The following ADAMTS2 variants were observed in gnomAD, a reference collection of about 807,000 sequenced individuals.
The protein encoded by ADAMTS2 is A disintegrin and metalloproteinase with thrombospondin motifs 2.
ADAMTS2 carries 50 observed loss-of-function variants against 123.0 expected under a neutral mutation model. That is an observed-to-expected ratio of 0.41 (90% CI 0.32 to 0.51). The LOEUF (loss-of-function observed/expected upper bound fraction) is 0.51. Ranked by LOEUF, ADAMTS2 falls within the 20% of genes least tolerant of loss-of-function variation. ADAMTS2 has a pLI of 0.35. For synonymous variants in ADAMTS2, 678 were observed against 695.4 expected, an observed-to-expected ratio of 0.98 and a Z score of 0.39; for missense variants, 1,494 against 1,705.2, an observed-to-expected ratio of 0.88 and a Z score of 2.18.
At chr5:179,235,486 C>A (rs553808257) in intron 3 of ADAMTS2, among the ~76,000 whole-genome samples, 36 of 152,286 alleles carry the variant, frequency 2.4e-4, no homozygotes, top group African/African-American at 8.2e-4. Context: ...ATCAGAGGGA[C>A]CCCAAATCGA....
At chr5:179,305,229 G>A (rs1186733483) in intron 2 of ADAMTS2, among the ~76,000 whole-genome samples, 1 of 152,166 alleles carries the variant, frequency 6.6e-6, no homozygotes, top group Non-Finnish European at 1.5e-5. Context: ...GGGGGAAAAT[G>A]ATGCTAGAAA....
chr5:179,138,754 A>G (rs1420183537), intron 11 of ADAMTS2, among the ~76,000 whole-genome samples: 3 of 152,134 alleles, frequency 2.0e-5, no homozygotes, highest in Non-Finnish European at 4.4e-5. Context: ...AGGCTGTCCC[A>G]CTGCGGGATC....
Position 179,200,227 on chromosome 5 carries a change from C to T in ADAMTS2, c.891+7286G>A, listed in dbSNP as rs368515302. On this transcript the variant is annotated intron_variant, in intron 4 of 21. Coordinates refer to ENST00000251582, the MANE Select transcript of ADAMTS2 (RefSeq NM_014244.5). ...GGCTCCTTTGAATTCTCTATCTCCC[C>T]GCCACACCTTTCTTTCCTTTTTTTT... 9.9e-5 allele frequency among the ~76,000 whole-genome samples: 15 copies of T among 151,022 alleles called. No individual in the cohort carries two copies. The East Asian group carries it at 1.4e-3, about 14-fold the overall frequency.
At chr5:179,319,407 T>G (rs1428371762) in intron 2 of ADAMTS2, among the ~76,000 whole-genome samples, 1 of 151,990 alleles carries the variant, frequency 6.6e-6, no homozygotes, top group East Asian at 1.9e-4. Flanking sequence ...AGTGCACACA[T>G]GCATGCATCA....
rs1378061312 is a variant in ADAMTS2 at position 179,225,021 on chromosome 5, C to T, written c.689-17306G>A. On this transcript the variant is annotated intron_variant, in intron 3 of 21. Coordinates refer to ENST00000251582, the MANE Select transcript of ADAMTS2 (RefSeq NM_014244.5). This position sits in a 1 kb window ranked among gnomAD's most constrained non-coding sequence, Gnocchi z 4.5. Reference sequence around the variant, plus strand: ...GCTTCCCGGGCCGCAGTTCACGCCCCACTTGTTTCTCCACATCCCTTTCCC... The same window carrying T: ...GCTTCCCGGGCCGCAGTTCACGCCCTACTTGTTTCTCCACATCCCTTTCCC... Among the ~76,000 whole-genome samples the T allele has an allele frequency of 6.6e-6, 1 of 152,220 alleles. No homozygotes were observed. Among genetic ancestry groups the T allele is most frequent in the Non-Finnish European group, 1.5e-5 (1 of 68,042 alleles).
At chr5:179,259,697 C>T (rs538513837) in intron 3 of ADAMTS2, among the ~76,000 whole-genome samples, 12 of 152,342 alleles carry the variant, frequency 7.9e-5, no homozygotes, top group Admixed American at 2.6e-4. Context: ...CCATCTTCCT[C>T]GCCATCTGCA....
chr5:179,224,062 G>A (rs532532135), intron 3 of ADAMTS2, among the ~76,000 whole-genome samples: 9 of 152,348 alleles, frequency 5.9e-5, no homozygotes, highest in African/African-American at 1.9e-4. Flanking sequence ...GAGGCGCAGC[G>A]TGGATGCGGG....
At chr5:179,321,448 C>T (rs1420163087) in intron 2 of ADAMTS2, among the ~76,000 whole-genome samples, 2 of 152,204 alleles carry the variant, frequency 1.3e-5, no homozygotes, top group South Asian at 2.1e-4. Flanking sequence ...CCCCTCTTGG[C>T]TGCTGGGCCT....
At position 179,116,899 on chromosome 5, in the gene ADAMTS2, A is replaced by G. The variant is rs1364184012; in HGVS notation, c.3179-2575T>C. Among the ~76,000 whole-genome samples, 3 of 152,192 alleles carry G rather than the reference A, an allele frequency of 2.0e-5. No individual in the cohort carries two copies. In the East Asian group the frequency reaches 5.8e-4, roughly 29 times the overall value. ...CAGGAGAAGTGGGGATCTCCCTGAC[A>G]CTGAGCCCAAGAACCATGCTCACAG... On this transcript the variant is annotated intron_variant, in intron 21 of 21. Transcript: ENST00000251582.
At chr5:179,296,110 G>T (rs971860727) in intron 2 of ADAMTS2, among the ~76,000 whole-genome samples, 2 of 152,244 alleles carry the variant, frequency 1.3e-5, no homozygotes, top group Non-Finnish European at 2.9e-5. Context: ...TGATGGTGAA[G>T]CAGGAGGATG....
chr5:179,247,626 C>G (rs927648931), intron 3 of ADAMTS2, among the ~76,000 whole-genome samples: 1 of 152,036 alleles, frequency 6.6e-6, no homozygotes, highest in Non-Finnish European at 1.5e-5. Flanking sequence ...TTGAAATCCA[C>G]GAGAGAGGAG....
At chr5:179,301,316 G>A (rs1004332069) in intron 2 of ADAMTS2, among the ~76,000 whole-genome samples, 22 of 152,146 alleles carry the variant, frequency 1.4e-4, no homozygotes, top group African/African-American at 4.6e-4. Flanking sequence ...GGCCTCTTTC[G>A]ACCTCTGCTT....
intron 4 of ADAMTS2, among the ~76,000 whole-genome samples, chr5:179,190,667 G>C (rs1427206770): frequency 6.6e-6 from 1 of 152,220 alleles, no homozygotes; most frequent in Non-Finnish European, 1.5e-5. Context: ...CACAAAGCCT[G>C]GTGGTGGTCT....
intron 6 of ADAMTS2, among the ~76,000 whole-genome samples, chr5:179,157,108 C>T (rs1351597663): frequency 6.6e-6 from 1 of 151,790 alleles, no homozygotes; most frequent in African/African-American, 2.4e-5. Flanking sequence ...GGATTACAGG[C>T]ACCTGCCACT....
chr5:179,254,720 T>C (rs1439767983), intron 3 of ADAMTS2, among the ~76,000 whole-genome samples: 1 of 152,210 alleles, frequency 6.6e-6, no homozygotes, highest in East Asian at 1.9e-4. Context: ...TCCTATCAAC[T>C]GTTGATGGCG....
chr5:179,237,167 G>A (rs901695823), intron 3 of ADAMTS2, among the ~76,000 whole-genome samples: 1 of 152,216 alleles, frequency 6.6e-6, no homozygotes, highest in Non-Finnish European at 1.5e-5. Flanking sequence ...AGAGGCTGAG[G>A]CAGGAGGATC....
At chr5:179,263,493 G>T (rs575013467) in intron 3 of ADAMTS2, among the ~76,000 whole-genome samples, 1 of 152,240 alleles carries the variant, frequency 6.6e-6, no homozygotes, top group Non-Finnish European at 1.5e-5. Flanking sequence ...TCTCCACACA[G>T]GCCCAGTGCC....
At chr5:179,147,383 C>T (rs1005248057) in intron 10 of ADAMTS2, among the ~76,000 whole-genome samples, 9 of 152,228 alleles carry the variant, frequency 5.9e-5, no homozygotes, top group African/African-American at 2.2e-4. Context: ...GCCATCACAC[C>T]TGGCCTAAGC....
At chr5:179,154,417 G>C (rs570386440) in intron 7 of ADAMTS2, among the ~76,000 whole-genome samples, 1 of 152,306 alleles carries the variant, frequency 6.6e-6, no homozygotes, top group African/African-American at 2.4e-5. Flanking sequence ...CTGTCCCCAG[G>C]AGGGGCATGC....
Sources: allele counts gnomAD v4.1 joint callset (sites outside exome capture counted in the v4.1 genomes callset), GRCh38; gene constraint gnomAD v4.1.1; non-coding constraint Gnocchi (gnomAD v3.1); transcripts MANE v1.5; gene names NCBI Gene and HGNC (gene_info 2026-07-23, HGNC 2026-07-21).